The following RRBP1 variants were observed in gnomAD, a reference collection of about 807,000 sequenced individuals.
RRBP1 encodes ribosome-binding protein 1.
Under a neutral mutation model 165.2 loss-of-function variants are expected in RRBP1, and 94 were observed. The ratio of observed to expected loss-of-function variants is 0.57; its 90% confidence interval spans 0.48 to 0.68. RRBP1 has a LOEUF of 0.68. RRBP1 is among the 30% of genes least tolerant of loss of function. The probability of loss-of-function intolerance (pLI) is 0.00; values close to 1 mark genes in which losing one functional copy is unlikely to be tolerated. For missense variants in RRBP1, 1,676 were observed against 1,763.0 expected, an observed-to-expected ratio of 0.95 and a Z score of 0.88; for synonymous variants, 680 against 714.5, an observed-to-expected ratio of 0.95 and a Z score of 0.77.
At chr20:17,679,866 ACCC>A (rs2037146601) in intron 2 of RRBP1, 130 bp downstream of exon 2, 1 of 81,964 alleles carries the variant, frequency 1.2e-5, no homozygotes, top group Non-Finnish European at 3.7e-5. Context: ...AGAGCTCTAA[ACCC>A]TCTCCTAAAC....
chr20:17,650,915 C>T lies in RRBP1; in HGVS notation c.1912+7681G>A, dbSNP rs566253280. On this transcript the variant is annotated intron_variant, in intron 3 of 24. Transcript: ENST00000377813. ...TAGATTTTTTTAAAAACCAACACCA[C>T]TGCATACACACACGTCTTGTGTTAG... Among the ~76,000 whole-genome samples the T allele has an allele frequency of 2.0e-5, 3 of 152,348 alleles. No individual in the cohort carries two copies. The South Asian group carries it at 6.2e-4, about 32-fold the overall frequency.
At chr20:17,615,278 C>T (rs1220409502) in intron 23 of RRBP1, among the ~76,000 whole-genome samples, 153 bp downstream of exon 23, 1 of 152,194 alleles carries the variant, frequency 6.6e-6, no homozygotes, top group Middle Eastern at 3.2e-3. Context: ...GGAGTCCCCA[C>T]CCCAGCCCCG....
intron 22 of RRBP1, 34 bp from the exon 23 acceptor site, chr20:17,615,563 C>T (rs1292941061): frequency 6.4e-6 from 10 of 1,557,680 alleles, no homozygotes; most frequent in African/African-American, 4.1e-5. Context: ...CTGGGTGAGA[C>T]GTCTTATAAA....
At chr20:17,656,825 T>C (rs1190942954) in intron 3 of RRBP1, among the ~76,000 whole-genome samples, 1 of 152,240 alleles carries the variant, frequency 6.6e-6, no homozygotes, top group Non-Finnish European at 1.5e-5. Flanking sequence ...TATCCTTTCA[T>C]CGATAATATT....
intron 3 of RRBP1, among the ~76,000 whole-genome samples, chr20:17,655,909 A>G (rs374153218): frequency 6.6e-6 from 1 of 152,220 alleles, no homozygotes; most frequent in South Asian, 2.1e-4. Context: ...GGTACGTGGG[A>G]CCCACAGCAT....
intron 8 of RRBP1, among the ~76,000 whole-genome samples, chr20:17,631,954 A>C (rs2122314246): frequency 6.6e-6 from 1 of 152,374 alleles, no homozygotes; most frequent in South Asian, 2.1e-4. Context: ...AATTTTGTAG[A>C]GTTCACATTG....
chr20:17,618,658 A>T lies in RRBP1; in HGVS notation c.3697T>A (p.Ser1233Thr). The change falls in exon 20 of 25, where the codon TCT becomes ACT. Residue 1233 changes from serine to threonine, a missense_variant. By Grantham distance (58) the Ser-to-Thr change is moderately conservative. This residue lies in a region of RRBP1 where 1,184 missense variants were observed against 1,167.1 expected (regional missense o/e 1.01). Transcript: ENST00000377813. ...VAGLRQLLLE[S>T]QSQLDAAKSE... ...TTGGCGGCATCGAGCTGAGATTGAGATTCTAGGAGAAGTTGCCTCAGCTTG... is the reference window on the plus strand; with the variant it reads ...TTGGCGGCATCGAGCTGAGATTGAGTTTCTAGGAGAAGTTGCCTCAGCTTG... 1 of 1,613,954 alleles carries T rather than the reference A, an allele frequency of 6.2e-7. No homozygotes were observed. The highest frequency in any genetic ancestry group is 8.5e-7 in the Non-Finnish European group (1 of 1,179,968).
intron 2 of RRBP1, among the ~76,000 whole-genome samples, chr20:17,671,280 C>A (rs2036973301): frequency 6.6e-6 from 1 of 152,198 alleles, no homozygotes; most frequent in African/African-American, 2.4e-5. Flanking sequence ...TTTCTGAGAT[C>A]TCTTCCTGCT....
chr20:17,622,088 G>A (rs2035927135), intron 13 of RRBP1, 141 bp from the exon 14 acceptor site: 1 of 667,080 alleles, frequency 1.5e-6, no homozygotes, highest in Admixed American at 2.3e-5. Context: ...AAGAATCAAA[G>A]GAGAAGATGA....
chr20:17,672,730 C>T (rs1370326882), intron 2 of RRBP1, among the ~76,000 whole-genome samples: 2 of 152,154 alleles, frequency 1.3e-5, no homozygotes, highest in South Asian at 4.1e-4. Flanking sequence ...CATTAATAGC[C>T]CCAAACTGGA....
In RRBP1 at chr20:17,658,873, G is replaced by C. The variant is rs779236709; in HGVS notation, c.1635C>G (p.Ile545Met). The C allele has an allele frequency of 1.2e-6, 2 of 1,613,540 alleles. No individual in the cohort carries two copies. The highest frequency in any genetic ancestry group is 1.3e-5 in the African/African-American group (1 of 74,910). Residue 545 changes from isoleucine (I) to methionine (M), a missense_variant, in exon 3 of 25, where the codon ATC becomes ATG. Physicochemically the swap from Ile to Met is conservative, Grantham distance 10 (BLOSUM62 1). Coordinates refer to ENST00000377813, the MANE Select transcript of RRBP1 (RefSeq NM_001365613.2). ...NQGKKGEGAPIQGKKADSVAN... is the reference protein window; with the variant it reads ...NQGKKGEGAPMQGKKADSVAN... ...CAACCGAATCTGCCTTTTTGCCCTG[G>C]ATGGGAGCTCCCTCTCCTTTTTTGC...
At chr20:17,625,752 C>A in intron 11 of RRBP1, 150 bp from the exon 12 acceptor site, 3 of 639,110 alleles carry the variant, frequency 4.7e-6, no homozygotes, top group South Asian at 3.8e-5. Flanking sequence ...CCTCACCCAG[C>A]GTGAGCTCCC....
At chr20:17,667,756 G>A (rs561819568) in intron 2 of RRBP1, among the ~76,000 whole-genome samples, 15 of 152,318 alleles carry the variant, frequency 9.8e-5, no homozygotes, top group African/African-American at 3.4e-4. Context: ...GCTCATCACT[G>A]CTACTTGCAT....
intron 1 of RRBP1, among the ~76,000 whole-genome samples, chr20:17,681,804 C>A (rs1049707629): frequency 2.9e-4 from 43 of 150,538 alleles, no homozygotes; most frequent in Non-Finnish European, 4.4e-4. Context: ...CACCACGGGG[C>A]GCGCCCTGCC....
intron 3 of RRBP1, among the ~76,000 whole-genome samples, chr20:17,654,552 C>T (rs2036614205): frequency 6.6e-6 from 1 of 152,196 alleles, no homozygotes; most frequent in Non-Finnish European, 1.5e-5. Flanking sequence ...TTGCTAGTGA[C>T]TCCCTTCCAT....
At position 17,641,801 on chromosome 20, in the gene RRBP1, T is replaced by C. The variant is rs372374709; in HGVS notation, c.2180A>G (p.Asn727Ser). 1.2e-6 allele frequency: 2 copies of C among 1,612,984 alleles called. No individual in the cohort carries two copies. Among genetic ancestry groups the C allele is most frequent in the Admixed American group, 1.7e-5 (1 of 60,026 alleles). ...AVAKSKLREL[N>S]KEMAAEKAKA... ...CCGAGCCCACTCAGGCTGTACCTTG[T>C]TGAGCTCCCTCAGTTTGCTCTTGGC... The change falls in exon 5 of 25, where the codon AAC becomes AGC. Residue 727 changes from asparagine to serine, a missense_variant. Physicochemically the swap from Asn to Ser is conservative, Grantham distance 46 (BLOSUM62 1). This residue lies in a region of RRBP1 where 1,184 missense variants were observed against 1,167.1 expected (regional missense o/e 1.01). Coordinates refer to ENST00000377813, the MANE Select transcript of RRBP1 (RefSeq NM_001365613.2).
chr20:17,620,409 C>CT, intron 17 of RRBP1, 39 bp from the exon 18 acceptor site: 1 of 1,543,452 alleles, frequency 6.5e-7, no homozygotes. Context: ...ACACGAGCAC[C>CT]TGGGGGTGTC....
intron 1 of RRBP1, among the ~76,000 whole-genome samples, 177 bp downstream of exon 1, chr20:17,681,851 C>G (rs866684979): frequency 6.8e-6 from 1 of 146,734 alleles, no homozygotes; most frequent in African/African-American, 2.4e-5. Context: ...CACCCCCGCC[C>G]CGAGTCCGAC....
chr20:17,642,965 G>T lies in RRBP1; in HGVS notation c.2061+14C>A. ...AGTGGCCTCTGAGCATGGCCAGCAGGAGGGTGGGCCCACCTTGTGCCAGGT... is the reference window on the plus strand; with the variant it reads ...AGTGGCCTCTGAGCATGGCCAGCAGTAGGGTGGGCCCACCTTGTGCCAGGT... On this transcript the variant is annotated intron_variant, in intron 4 of 24. Transcript: ENST00000377813. The T allele has an allele frequency of 6.2e-7, 1 of 1,612,028 alleles. No individual in the cohort carries two copies.
Sources: allele counts gnomAD v4.1 joint callset (sites outside exome capture counted in the v4.1 genomes callset), GRCh38; gene constraint gnomAD v4.1.1; regional missense constraint gnomAD v4.1.1; transcripts MANE v1.5; gene names NCBI Gene and HGNC (gene_info 2026-07-23, HGNC 2026-07-21).